LRRC4C: variants seen among roughly 807,000 people sequenced by gnomAD.
LRRC4C encodes the protein leucine rich repeat containing 4C.
LRRC4C carries 5 observed loss-of-function variants against 33.6 expected under a neutral mutation model. That is an observed-to-expected ratio of 0.15 (90% CI 0.08 to 0.31). LRRC4C has a LOEUF of 0.31. LRRC4C is among the 10% of genes least tolerant of loss of function. LRRC4C has a pLI of 1.00. For synonymous variants in LRRC4C, 329 were observed against 302.0 expected, an observed-to-expected ratio of 1.09 and a Z score of -0.93; for missense variants, 560 against 796.7, an observed-to-expected ratio of 0.70 and a Z score of 3.58.
intron 1 of LRRC4C, among the ~76,000 whole-genome samples, chr11:41,085,995 T>A (rs1356502024): frequency 6.9e-6 from 1 of 145,752 alleles, no homozygotes; most frequent in African/African-American, 2.5e-5. Flanking sequence ...CATTTCTCTC[T>A]CCACTTTTCA....
chr11:41,198,698 C>T (rs544224301), intron 1 of LRRC4C, among the ~76,000 whole-genome samples: 1 of 151,890 alleles, frequency 6.6e-6, no homozygotes, highest in Non-Finnish European at 1.5e-5. Context: ...TCCATTTTCA[C>T]GGTGGCCCTC....
At chr11:40,926,185 G>A (rs1023374686) in intron 2 of LRRC4C, among the ~76,000 whole-genome samples, 19 of 152,120 alleles carry the variant, frequency 1.2e-4, no homozygotes, top group African/African-American at 3.4e-4. Context: ...ACAAGTCTCC[G>A]GATGAAGAGA....
Position 41,395,930 on chromosome 11 carries a change from G to A in LRRC4C, c.-496+63501C>T, listed in dbSNP as rs568000459. Among the ~76,000 whole-genome samples, 5 of 152,168 alleles carry A rather than the reference G, an allele frequency of 3.3e-5. No individual in the cohort carries two copies. In the East Asian group the frequency reaches 9.7e-4, roughly 30 times the overall value. ...ATTTGTTTCTTTCCTTTTGGAAATA[G>A]TGAAGATCAAACTTGTCCAATCTGC... On this transcript the variant is annotated intron_variant, in intron 1 of 6. Transcript: ENST00000528697.
intron 1 of LRRC4C, among the ~76,000 whole-genome samples, chr11:41,260,728 A>T (rs746673796): frequency 8.5e-5 from 13 of 152,240 alleles, no homozygotes; most frequent in Non-Finnish European, 1.9e-4. Flanking sequence ...GATAGGAAAA[A>T]GACAAGTGGT....
At chr11:40,288,699 T>C (rs1944003993) in intron 4 of LRRC4C, among the ~76,000 whole-genome samples, 7 of 152,224 alleles carry the variant, frequency 4.6e-5, no homozygotes, top group Admixed American at 4.6e-4. Flanking sequence ...AATGAGTCTT[T>C]AGCCTATAAC....
chr11:40,782,727 G>A (rs567042066), intron 2 of LRRC4C, among the ~76,000 whole-genome samples: 1 of 152,064 alleles, frequency 6.6e-6, no homozygotes. Context: ...AAACCTGGTG[G>A]ATATTATTTC....
intron 1 of LRRC4C, among the ~76,000 whole-genome samples, chr11:41,119,169 C>T (rs1421166431): frequency 6.6e-6 from 1 of 152,104 alleles, no homozygotes; most frequent in Non-Finnish European, 1.5e-5. Context: ...ATCTCTTCAG[C>T]TAACATTTTC....
At chr11:40,413,808 T>A (rs1158781863) in intron 3 of LRRC4C, among the ~76,000 whole-genome samples, 2 of 152,140 alleles carry the variant, frequency 1.3e-5, no homozygotes, top group Admixed American at 6.6e-5. Context: ...AGAAATTATG[T>A]TCGTCTTCTT....
chr11:40,621,872 C>T (rs1962489237), intron 3 of LRRC4C, among the ~76,000 whole-genome samples: 1 of 151,792 alleles, frequency 6.6e-6, no homozygotes, highest in Non-Finnish European at 1.5e-5. Flanking sequence ...TATAGGTACT[C>T]CATTTACTTC....
intron 2 of LRRC4C, among the ~76,000 whole-genome samples, chr11:40,848,914 T>C (rs12271854): frequency 0.1 from 15,892 of 152,204 alleles, 876 homozygotes; most frequent in South Asian, 0.15. Context: ...TTCTTTGTCT[T>C]TTTTTGATCT....
intron 1 of LRRC4C, among the ~76,000 whole-genome samples, chr11:41,263,451 A>G (rs1374241285): frequency 6.6e-6 from 1 of 152,078 alleles, no homozygotes; most frequent in Non-Finnish European, 1.5e-5. Context: ...GCCCTCTATT[A>G]ATGTGTAGTA....
chr11:41,218,715 T>C (rs1034130830), intron 1 of LRRC4C, among the ~76,000 whole-genome samples: 1 of 151,644 alleles, frequency 6.6e-6, no homozygotes, highest in African/African-American at 2.4e-5. Context: ...TTCAACATAT[T>C]ACTATTACCC....
At chr11:40,541,658 G>A (rs757098003) in intron 3 of LRRC4C, among the ~76,000 whole-genome samples, 18 of 151,990 alleles carry the variant, frequency 1.2e-4, no homozygotes, top group South Asian at 2.1e-4. Context: ...ATCCTCCTTG[G>A]TTACCTCCCC....
intron 1 of LRRC4C, among the ~76,000 whole-genome samples, chr11:41,043,373 C>A (rs563912990): frequency 6.6e-6 from 1 of 152,170 alleles, no homozygotes; most frequent in East Asian, 1.9e-4. Context: ...CTGATTGTGG[C>A]TAAGGCTACA....
At chr11:40,546,552 T>A (rs976703190) in intron 3 of LRRC4C, among the ~76,000 whole-genome samples, 2 of 152,050 alleles carry the variant, frequency 1.3e-5, no homozygotes, top group Non-Finnish European at 2.9e-5. Context: ...CCATTGATTT[T>A]CAATTTTGCA....
At chr11:40,572,464 C>A (rs1351982471) in intron 3 of LRRC4C, among the ~76,000 whole-genome samples, 2 of 152,146 alleles carry the variant, frequency 1.3e-5, no homozygotes, top group Admixed American at 1.3e-4. Context: ...TACAAGATGA[C>A]TGGACCAATA....
chr11:41,076,326 A>G (rs762314356), intron 1 of LRRC4C, among the ~76,000 whole-genome samples: 1 of 152,176 alleles, frequency 6.6e-6, no homozygotes, highest in Non-Finnish European at 1.5e-5. Flanking sequence ...GTATTAGTCC[A>G]TCCTCACAAT....
intron 1 of LRRC4C, among the ~76,000 whole-genome samples, chr11:41,018,413 T>C (rs1855739146): frequency 6.6e-6 from 1 of 152,152 alleles, no homozygotes; most frequent in Non-Finnish European, 1.5e-5. Context: ...GGGATGGGGA[T>C]GGGGGAGACT....
chr11:40,987,854 G>A (rs1853186601), intron 1 of LRRC4C, among the ~76,000 whole-genome samples: 1 of 151,710 alleles, frequency 6.6e-6, no homozygotes, highest in African/African-American at 2.4e-5. Flanking sequence ...GAAAAATAGT[G>A]CCATGCTGGT....
Sources: allele counts gnomAD v4.1 joint callset (sites outside exome capture counted in the v4.1 genomes callset), GRCh38; gene constraint gnomAD v4.1.1; transcripts MANE v1.5; gene names NCBI Gene and HGNC (gene_info 2026-07-23, HGNC 2026-07-21).